TSC22D3: variants seen among roughly 807,000 people sequenced by gnomAD.
TSC22D3 encodes the protein TSC22 domain family member 3.
A neutral mutation model predicts 11.1 loss-of-function variants in TSC22D3; 4 were observed. The ratio of observed to expected loss-of-function variants is 0.36; its 90% CI spans 0.18 to 0.83. TSC22D3 has a LOEUF of 0.83. Among genes scored for constraint, TSC22D3 ranks in the 40% least tolerant of loss-of-function variants. The probability of loss-of-function intolerance (pLI) is 0.48; values close to 1 mark genes in which losing one functional copy is unlikely to be tolerated. For missense variants in TSC22D3, 118 were observed against 159.4 expected (o/e 0.74, Z 1.40); for synonymous variants, 77 against 70.3 (o/e 1.10, Z -0.48).
At chrX:107,743,980 G>A (rs1043729794) in intron 1 of TSC22D3, among the ~76,000 whole-genome samples, 5 of 112,333 alleles carry the variant, frequency 4.5e-5, no homozygotes, top group African/African-American at 1.6e-4. Flanking sequence ...AAGTGGGTGG[G>A]TGGGAGTGCC....
intron 1 of TSC22D3, among the ~76,000 whole-genome samples, chrX:107,755,263 CAGA>C (rs1378111788): frequency 8.9e-6 from 1 of 112,518 alleles, no homozygotes; most frequent in Non-Finnish European, 1.9e-5. Flanking sequence ...TGTCAGAGAG[CAGA>C]AGTTGTTAAA....
chrX:107,742,125 T>C, intron 1 of TSC22D3, among the ~76,000 whole-genome samples: 1 of 110,296 alleles, frequency 9.1e-6, no homozygotes, highest in Admixed American at 9.6e-5. Context: ...CTCGGCAAAG[T>C]GAAGTTGCAC....
intron 1 of TSC22D3, among the ~76,000 whole-genome samples, chrX:107,765,943 A>G (rs1199126495): frequency 8.9e-6 from 1 of 111,802 alleles, no homozygotes; most frequent in Non-Finnish European, 1.9e-5. Flanking sequence ...TTTGGATACA[A>G]ATCATGCCTG....
Position 107,735,642 on chromosome X carries a change from C to A in TSC22D3, c.321-19692G>T, listed in dbSNP as rs184288217. Among the ~76,000 whole-genome samples the A allele has an allele frequency of 2.7e-5, 3 of 110,631 alleles. No homozygotes were observed. The East Asian group carries it at 8.6e-4, about 32-fold the overall frequency. On this transcript the variant is annotated intron_variant, in intron 1 of 2. Coordinates refer to ENST00000372383, the MANE Select transcript of TSC22D3 (RefSeq NM_198057.3). ...ACCAAACCCTCTCTCACTGAACATG[C>A]GTTAATGTCCTTTCCAATCACCCCT... is the stretch of plus-strand genomic sequence containing the variant.
In TSC22D3 at chrX:107,732,878, G is replaced by A. The variant is rs146004278; in HGVS notation, c.321-16928C>T. Among the ~76,000 whole-genome samples, 227 of 110,959 alleles carry A rather than the reference G, an allele frequency of 2.0e-3. 2 individuals carry two copies. Among genetic ancestry groups the A allele is most frequent in the African/African-American group, 6.9e-3 (209 of 30,474 alleles). On this transcript the variant is annotated intron_variant, in intron 1 of 2. Transcript: ENST00000372383. ...TTTGGGAAGCCAAGGGGGGAGGATC[G>A]CTTGAGGCCAGGAGTTCGAGACCAG...
intron 1 of TSC22D3, among the ~76,000 whole-genome samples, chrX:107,743,333 A>C (rs1313161621): frequency 1.8e-5 from 2 of 112,278 alleles, no homozygotes; most frequent in Non-Finnish European, 3.8e-5. Context: ...CAGAACAGAC[A>C]GCAGAGCCAG....
intron 1 of TSC22D3, among the ~76,000 whole-genome samples, chrX:107,749,926 T>C (rs1833577573): frequency 1.8e-5 from 2 of 111,910 alleles, no homozygotes. Flanking sequence ...ACAACAGGCC[T>C]ACATCCTCCG....
intron 1 of TSC22D3, among the ~76,000 whole-genome samples, chrX:107,746,454 G>T (rs1928662065): frequency 1.8e-5 from 2 of 110,249 alleles, no homozygotes; most frequent in Non-Finnish European, 3.8e-5. Context: ...GCACACACAG[G>T]CAGGCACACA....
intron 1 of TSC22D3, among the ~76,000 whole-genome samples, chrX:107,745,372 T>C (rs1928603598): frequency 8.9e-6 from 1 of 112,526 alleles, no homozygotes; most frequent in South Asian, 3.7e-4. Context: ...AGAGAGTTAC[T>C]GATAGGAAAT....
chrX:107,716,437 T>C, intron 1 of TSC22D3: 2 of 974,412 alleles, frequency 2.1e-6, no homozygotes, highest in Non-Finnish European at 2.6e-6. Context: ...GCCGCCCCTC[T>C]GCCTCCGGCT....
chrX:107,714,456 C>A lies in TSC22D3; in HGVS notation c.*63G>T. 9.4e-7 allele frequency: 1 copy of A among 1,062,575 alleles called. No homozygotes were observed. The highest frequency in any genetic ancestry group is 1.3e-6 in the Non-Finnish European group (1 of 785,376). The allele number at this position is 1,062,575 out of a possible 1,213,427, so 87.6% of individuals were successfully genotyped here. A position where few individuals can be genotyped will look rare whatever the true frequency, so the allele number is the denominator to read the frequency against. ...GAGATGATGCTTGGGGAGCCAAAAACAAACTGGAAAGAACTAGGTAAAACA... is the reference window on the plus strand; with the variant it reads ...GAGATGATGCTTGGGGAGCCAAAAAAAAACTGGAAAGAACTAGGTAAAACA... On this transcript the variant is annotated 3_prime_UTR_variant, in exon 3 of 3. Transcript: ENST00000372383.
Position 107,726,986 on chromosome X carries a change from G to T in TSC22D3, c.321-11036C>A, listed in dbSNP as rs376778649. On this transcript the variant is annotated intron_variant, in intron 1 of 2. Transcript: ENST00000372383. ...AAGAGCTAAAGTAAATATGGAAACC[G>T]AGGAACAGCCAAGTATAGACAGTTA... is the stretch of plus-strand genomic sequence containing the variant. 7.1e-5 allele frequency among the ~76,000 whole-genome samples: 8 copies of T among 111,899 alleles called. 2 individuals carry two copies. The highest frequency in any genetic ancestry group is 9.5e-5 in the Admixed American group (1 of 10,539).
rs1249028544 is a variant in TSC22D3 at position 107,775,713 on chromosome X, T to G, written c.-294A>C. 4 of 204,857 alleles carry G rather than the reference T, an allele frequency of 2.0e-5. No homozygotes were observed. The highest frequency in any genetic ancestry group is 1.3e-4 in the South Asian group (1 of 7,459). The allele number at this position is 204,857 out of a possible 1,213,427, so 16.9% of individuals were successfully genotyped here. A position where few individuals can be genotyped will look rare whatever the true frequency, so the allele number is the denominator to read the frequency against. On this transcript the variant is annotated 5_prime_UTR_variant, in exon 1 of 3. Transcript: ENST00000372383. ...CTCTTGAGGCCGGGGGCCGCCCCCCTGAGGTGCCACACGCGGCCCCAGCGC... is the reference window on the plus strand; with the variant it reads ...CTCTTGAGGCCGGGGGCCGCCCCCCGGAGGTGCCACACGCGGCCCCAGCGC...
chrX:107,749,817 C>A (rs926136307), intron 1 of TSC22D3, among the ~76,000 whole-genome samples: 2 of 111,365 alleles, frequency 1.8e-5, no homozygotes, highest in Admixed American at 1.9e-4. Context: ...ACAGCCTCGA[C>A]GCTGGAGGAG....
At chrX:107,740,939 A>G (rs1928375224) in intron 1 of TSC22D3, among the ~76,000 whole-genome samples, 1 of 109,748 alleles carries the variant, frequency 9.1e-6, no homozygotes. Flanking sequence ...CTTAAGCCCC[A>G]AGCACATGAC....
intron 1 of TSC22D3, among the ~76,000 whole-genome samples, chrX:107,773,299 G>T (rs939137114): frequency 8.9e-6 from 1 of 112,230 alleles, no homozygotes; most frequent in African/African-American, 3.2e-5. Flanking sequence ...GACCCTCCTA[G>T]GGCCAGAACC....
At chrX:107,732,871 G>A (rs995017185) in intron 1 of TSC22D3, among the ~76,000 whole-genome samples, 2 of 111,268 alleles carry the variant, frequency 1.8e-5, no homozygotes, top group African/African-American at 6.6e-5. Context: ...GCCAAGGGGG[G>A]AGGATCGCTT....
chrX:107,717,559 G>C (rs1927114576), intron 1 of TSC22D3, among the ~76,000 whole-genome samples: 1 of 112,479 alleles, frequency 8.9e-6, no homozygotes, highest in African/African-American at 3.2e-5. Flanking sequence ...TCACCAGCCA[G>C]CTGGCCTGCC....
intron 1 of TSC22D3, among the ~76,000 whole-genome samples, chrX:107,717,577 C>T (rs1377935789): frequency 8.9e-6 from 1 of 112,596 alleles, no homozygotes; most frequent in Non-Finnish European, 1.9e-5. Context: ...GCCGACCTGC[C>T]CTGAACCCCA....
Sources: allele counts gnomAD v4.1 joint callset (sites outside exome capture counted in the v4.1 genomes callset), GRCh38; gene constraint gnomAD v4.1.1; transcripts MANE v1.5; gene names NCBI Gene and HGNC (gene_info 2026-07-23, HGNC 2026-07-21).